AIG1: variants seen among roughly 807,000 people sequenced by gnomAD.
AIG1 encodes the protein androgen induced 1.
AIG1 carries 23 observed loss-of-function variants against 31.4 expected under a neutral mutation model. The observed-to-expected ratio is 0.73, with a 90% CI of 0.53 to 1.04. AIG1 has a LOEUF of 1.04. AIG1 is among the 50% of genes least tolerant of loss of function. The pLI, the probability that AIG1 is intolerant of heterozygous loss-of-function variation, is 0.00. For missense variants in AIG1, 274 were observed against 295.0 expected (o/e 0.93, Z 0.52); for synonymous variants, 100 against 110.5 (o/e 0.90, Z 0.60).
chr6:143,086,450 C>T lies in AIG1; in HGVS notation c.141+25384C>T, dbSNP rs186819613. On this transcript the variant is annotated intron_variant, in intron 1 of 5. Coordinates refer to ENST00000357847, the MANE Select transcript of AIG1 (RefSeq NM_016108.4). The stretch of plus-strand genomic sequence containing the variant: ...TTACTCAATTCACTTTCATCCTGAT[C>T]TGTTATGTTGTTGTAGACCCAGTTC... Among the ~76,000 whole-genome samples the T allele has an allele frequency of 2.7e-4, 41 of 152,200 alleles. 1 individual carries two copies. The highest frequency in any genetic ancestry group is 9.6e-4 in the African/African-American group (40 of 41,514).
intron 3 of AIG1, among the ~76,000 whole-genome samples, chr6:143,222,349 C>T (rs1792586421): frequency 6.6e-6 from 1 of 151,882 alleles, no homozygotes; most frequent in Non-Finnish European, 1.5e-5. Flanking sequence ...TAGGAATTAT[C>T]GGGAACGGCA....
intron 2 of AIG1, among the ~76,000 whole-genome samples, chr6:143,138,138 C>CAG (rs1783919914): frequency 6.6e-6 from 1 of 152,142 alleles, no homozygotes; most frequent in Non-Finnish European, 1.5e-5. Context: ...ACACAATGGC[C>CAG]AGAGAGCATT....
At position 143,333,225 on chromosome 6, in the gene AIG1, T is replaced by C. The variant is rs1276748487; in HGVS notation, c.516-57T>C. The C allele has an allele frequency of 1.5e-5, 23 of 1,495,158 alleles. No individual in the cohort carries two copies. Among genetic ancestry groups the C allele is most frequent in the Non-Finnish European group, 2.1e-5 (23 of 1,115,392 alleles). 92.6% of individuals were successfully genotyped at this position (1,495,158 alleles called of 1,614,324 possible). On this transcript the variant is annotated intron_variant, in intron 4 of 5. Transcript: ENST00000357847. The surrounding 1 kb of genome is among the most constrained non-coding windows in gnomAD (Gnocchi z 4.6). ...AGTGTATATTTGCATCATAGCAGCT[T>C]TGATGCCTGCCATAAGAGTGACTCC...
intron 3 of AIG1, among the ~76,000 whole-genome samples, chr6:143,165,768 C>G (rs1786870625): frequency 6.6e-6 from 1 of 152,072 alleles, no homozygotes; most frequent in Admixed American, 6.5e-5. Flanking sequence ...TCTTCTCAGT[C>G]TAATTCTTTC....
chr6:143,215,190 GATAAA>G (rs1045350135), intron 3 of AIG1, among the ~76,000 whole-genome samples: 2 of 151,298 alleles, frequency 1.3e-5, no homozygotes, highest in African/African-American at 4.9e-5. Context: ...TTAAACATAA[GATAAA>G]ATAAATAGTA....
At chr6:143,121,932 C>T (rs1334480) in intron 1 of AIG1, among the ~76,000 whole-genome samples, 31,200 of 152,066 alleles carry the variant, frequency 0.21, 6,181 homozygotes, top group African/African-American at 0.49. Context: ...TAATATACTT[C>T]CTGATTTCTA....
rs986229188 is a variant in AIG1 at position 143,279,713 on chromosome 6, T to C, written c.400-4397T>C. 3.3e-5 allele frequency among the ~76,000 whole-genome samples: 5 copies of C among 152,124 alleles called. No individual in the cohort carries two copies. The highest frequency in any genetic ancestry group is 3.3e-4 in the Admixed American group (5 of 15,274). On this transcript the variant is annotated intron_variant, in intron 3 of 5. Transcript: ENST00000357847. This position sits in a 1 kb window ranked among gnomAD's most constrained non-coding sequence, Gnocchi z 5.4. ...TCACGGGGGACCCACCAAGACCCCA[T>C]TAAGAAAAGCACAAATGATGCAATA...
intron 2 of AIG1, among the ~76,000 whole-genome samples, chr6:143,163,325 T>C (rs76743553): frequency 2.2e-3 from 332 of 152,352 alleles, no homozygotes; most frequent in Middle Eastern, 6.8e-3. Flanking sequence ...TGATAAGTCA[T>C]GTAATTCATT....
Position 143,269,861 on chromosome 6 carries a change from G to C in AIG1, c.400-14249G>C, listed in dbSNP as rs190846887. ...AAGTCTGAAGGGGATATTCTGGAAG[G>C]CTTTCGAAGCTGTTTTTGATCCAAT... is the stretch of plus-strand genomic sequence containing the variant. On this transcript the variant is annotated intron_variant, in intron 3 of 5. Coordinates refer to ENST00000357847, the MANE Select transcript of AIG1 (RefSeq NM_016108.4). Among the ~76,000 whole-genome samples the C allele has an allele frequency of 1.7e-3, 263 of 152,336 alleles. 3 individuals carry two copies. The highest frequency in any genetic ancestry group is 5.7e-3 in the African/African-American group (238 of 41,568).
rs903392870 is a variant in AIG1, at chr6:143,207,856, A to G, written c.399+42673A>G. ...AGCATAAAACATAACATTGACAGAC[A>G]TAATTCATTTTGCCTAAAAGGTTTG... is the stretch of plus-strand genomic sequence containing the variant. On this transcript the variant is annotated intron_variant, in intron 3 of 5. Coordinates refer to ENST00000357847, the MANE Select transcript of AIG1 (RefSeq NM_016108.4). Among the ~76,000 whole-genome samples, 13 of 152,188 alleles carry G rather than the reference A, an allele frequency of 8.5e-5. No homozygotes were observed. The East Asian group carries it at 2.3e-3, about 27-fold the overall frequency.
chr6:143,330,384 A>T lies in AIG1; in HGVS notation c.516-2898A>T, dbSNP rs1227538552. 6.6e-6 allele frequency among the ~76,000 whole-genome samples: 1 copy of T among 152,174 alleles called. No individual in the cohort carries two copies. The highest frequency in any genetic ancestry group is 2.4e-5 in the African/African-American group (1 of 41,444). ...ACATTTGAGTGAAAACCCGAAGGAC[A>T]CAAGGGAGCCCAAGGGGATGCTGTG... On this transcript the variant is annotated intron_variant, in intron 4 of 5. Transcript: ENST00000357847. This position sits in a 1 kb window ranked among gnomAD's most constrained non-coding sequence, Gnocchi z 4.4.
At chr6:143,283,360 C>T (rs1037971931) in intron 3 of AIG1, among the ~76,000 whole-genome samples, 6 of 152,188 alleles carry the variant, frequency 3.9e-5, no homozygotes, top group African/African-American at 1.4e-4. Flanking sequence ...CAAACTGGCA[C>T]ACCATTTCTG....
intron 4 of AIG1, among the ~76,000 whole-genome samples, chr6:143,295,006 A>G (rs1798323738): frequency 6.6e-6 from 1 of 151,448 alleles, no homozygotes; most frequent in Admixed American, 6.6e-5. Context: ...TCCTGAACCT[A>G]CTCCATATCT....
chr6:143,315,585 A>T (rs1358459134), intron 4 of AIG1, among the ~76,000 whole-genome samples: 2 of 152,144 alleles, frequency 1.3e-5, no homozygotes, highest in African/African-American at 4.8e-5. Flanking sequence ...ACATCTTTTT[A>T]ACAAATGGCA....
intron 1 of AIG1, among the ~76,000 whole-genome samples, chr6:143,066,717 AT>A (rs1776745804): frequency 6.6e-6 from 1 of 152,238 alleles, no homozygotes; most frequent in South Asian, 2.1e-4. Flanking sequence ...TGAGAAACAA[AT>A]TTAAATAATC....
intron 1 of AIG1, among the ~76,000 whole-genome samples, chr6:143,122,685 T>A (rs1782341414): frequency 6.6e-6 from 1 of 152,216 alleles, no homozygotes; most frequent in Non-Finnish European, 1.5e-5. Context: ...TTCTTCATAG[T>A]GTTTTTTTAT....
chr6:143,129,706 CTTTT>C (rs1401531091), intron 1 of AIG1, among the ~76,000 whole-genome samples: 3 of 151,518 alleles, frequency 2.0e-5, no homozygotes. Flanking sequence ...TATTTCTTTT[CTTTT>C]AAGTCTTTAT....
chr6:143,331,007 T>C lies in AIG1; in HGVS notation c.516-2275T>C, dbSNP rs1335859698. ...CTTTGGACTAACATGGCCTCTTTTT[T>C]TGATACAAATATTTTTGTTTGGACA... On this transcript the variant is annotated intron_variant, in intron 4 of 5. Coordinates refer to ENST00000357847, the MANE Select transcript of AIG1 (RefSeq NM_016108.4). The surrounding 1 kb of genome is among the most constrained non-coding windows in gnomAD (Gnocchi z 4.1). Among the ~76,000 whole-genome samples the C allele has an allele frequency of 6.6e-6, 1 of 152,192 alleles. No individual in the cohort carries two copies.
At chr6:143,274,510 C>A (rs947261531) in intron 3 of AIG1, among the ~76,000 whole-genome samples, 2 of 152,124 alleles carry the variant, frequency 1.3e-5, no homozygotes, top group African/African-American at 4.8e-5. Flanking sequence ...TTGTGTGAGC[C>A]ACTTCTACTC....
Sources: allele counts gnomAD v4.1 joint callset (sites outside exome capture counted in the v4.1 genomes callset), GRCh38; gene constraint gnomAD v4.1.1; non-coding constraint Gnocchi (gnomAD v3.1); transcripts MANE v1.5; gene names NCBI Gene and HGNC (gene_info 2026-07-23, HGNC 2026-07-21).